The following ARSB variants were observed in gnomAD, a reference collection of about 807,000 sequenced individuals.
ARSB encodes arylsulfatase B.
Under a neutral mutation model 50.9 loss-of-function variants are expected in ARSB, and 41 were observed. The ratio of observed to expected loss-of-function variants is 0.81; its 90% confidence interval spans 0.63 to 1.04. ARSB has a LOEUF of 1.04. ARSB is among the 50% of genes least tolerant of loss of function. The pLI is 0.00. For missense variants in ARSB, 672 were observed against 693.3 expected (o/e 0.97, Z 0.35); for synonymous variants, 269 against 284.8 (o/e 0.94, Z 0.56).
At chr5:78,787,799 G>A (rs570086245) in intron 6 of ARSB, among the ~76,000 whole-genome samples, 6 of 152,292 alleles carry the variant, frequency 3.9e-5, no homozygotes, top group East Asian at 1.9e-4. Flanking sequence ...CAAGGTAGAC[G>A]GCTCCACAAC....
intron 5 of ARSB, among the ~76,000 whole-genome samples, chr5:78,841,184 T>TAATAATAATAATAATAATAATAA (rs1554074368): frequency 2.7e-5 from 4 of 150,690 alleles, no homozygotes; most frequent in Non-Finnish European, 4.4e-5. Flanking sequence ...ATAATAATAA[T>TAATAATAATAATAATAATAATAA]TTGAGCATGG....
chr5:78,943,395 T>C (rs539166238), intron 4 of ARSB, among the ~76,000 whole-genome samples: 1 of 152,336 alleles, frequency 6.6e-6, no homozygotes, highest in South Asian at 2.1e-4. Context: ...CAATTTGGCA[T>C]GTTTTTGCAG....
At chr5:78,950,563 A>G (rs2112469133) in intron 4 of ARSB, among the ~76,000 whole-genome samples, 1 of 152,336 alleles carries the variant, frequency 6.6e-6, no homozygotes, top group Middle Eastern at 3.4e-3. Context: ...GTCCCCAAAA[A>G]TAAAGCCCTG....
chr5:78,978,055 T>C (rs904616127), intron 1 of ARSB, among the ~76,000 whole-genome samples: 7 of 152,128 alleles, frequency 4.6e-5, no homozygotes, highest in African/African-American at 1.7e-4. Flanking sequence ...AAGACCTAAA[T>C]AGGCTGGGTG....
chr5:78,980,716 G>A (rs1005079068), intron 1 of ARSB, among the ~76,000 whole-genome samples: 3 of 148,126 alleles, frequency 2.0e-5, no homozygotes, highest in Non-Finnish European at 4.5e-5. Context: ...GGAACTGAAT[G>A]TCTAAGGAAG....
intron 6 of ARSB, among the ~76,000 whole-genome samples, chr5:78,782,218 T>C (rs1454474852): frequency 6.6e-6 from 1 of 152,222 alleles, no homozygotes; most frequent in Non-Finnish European, 1.5e-5. Flanking sequence ...AATTCATCCT[T>C]AAAATCGCTA....
intron 5 of ARSB, among the ~76,000 whole-genome samples, chr5:78,845,285 A>G (rs1048328988): frequency 1.3e-5 from 2 of 152,068 alleles, no homozygotes; most frequent in African/African-American, 4.8e-5. Context: ...CCACTGATGG[A>G]CCCTTAAGTT....
chr5:78,811,294 T>C (rs554514130), intron 6 of ARSB, among the ~76,000 whole-genome samples: 23 of 152,358 alleles, frequency 1.5e-4, no homozygotes, highest in African/African-American at 4.8e-4. Flanking sequence ...CTAGAAACTT[T>C]TTTGCAGGGC....
At position 78,984,812 on chromosome 5, in the gene ARSB, C is replaced by CAT. The variant is rs1271130647; in HGVS notation, c.312+123_312+124dup. The CAT allele has an allele frequency of 1.1e-5, 8 of 727,220 alleles. No homozygotes were observed. The East Asian group carries it at 3.6e-4, about 32-fold the overall frequency. 45.0% of individuals were successfully genotyped at this position (727,220 alleles called of 1,614,324 possible). ...GTTGGGGCGAGAAGCCGCCGGGACC[C>CAT]ATAACTGGGTCGGCGGTCCGAGCCC... is the stretch of plus-strand genomic sequence containing the variant. On this transcript the variant is annotated intron_variant, in intron 1 of 7. Coordinates refer to ENST00000264914, the MANE Select transcript of ARSB (RefSeq NM_000046.5).
intron 5 of ARSB, among the ~76,000 whole-genome samples, chr5:78,864,678 C>T (rs973250180): frequency 5.3e-5 from 8 of 152,162 alleles, no homozygotes; most frequent in African/African-American, 1.7e-4. Flanking sequence ...ATTCCAAAGT[C>T]TCATCTGAGA....
chr5:78,791,268 A>G (rs1180240973), intron 6 of ARSB, among the ~76,000 whole-genome samples: 1 of 152,224 alleles, frequency 6.6e-6, no homozygotes, highest in African/African-American at 2.4e-5. Flanking sequence ...TGTACAGGCA[A>G]GATTTAGGTT....
intron 5 of ARSB, among the ~76,000 whole-genome samples, chr5:78,851,168 A>G (rs1376377661): frequency 6.6e-6 from 1 of 151,810 alleles, no homozygotes; most frequent in Non-Finnish European, 1.5e-5. Flanking sequence ...TCAATTTTGG[A>G]TCTTTCCTGC....
intron 5 of ARSB, among the ~76,000 whole-genome samples, chr5:78,881,449 A>C (rs1327051386): frequency 6.6e-6 from 1 of 152,196 alleles, no homozygotes; most frequent in Non-Finnish European, 1.5e-5. Flanking sequence ...TATTTGCAAG[A>C]AATACAACAA....
intron 4 of ARSB, among the ~76,000 whole-genome samples, chr5:78,938,834 T>C (rs540156949): frequency 5.3e-5 from 8 of 152,340 alleles, no homozygotes; most frequent in Admixed American, 3.3e-4. Context: ...GCTAAAAGTT[T>C]AGACTCTGCA....
At chr5:78,847,555 G>C (rs1745502746) in intron 5 of ARSB, among the ~76,000 whole-genome samples, 1 of 152,116 alleles carries the variant, frequency 6.6e-6, no homozygotes. Flanking sequence ...TCTAGTTTTG[G>C]TATCAACATA....
intron 5 of ARSB, among the ~76,000 whole-genome samples, chr5:78,846,808 G>A (rs1335876759): frequency 1.3e-5 from 2 of 152,152 alleles, no homozygotes; most frequent in African/African-American, 4.8e-5. Flanking sequence ...TGGTAAAAGT[G>A]AGCATCGTTG....
chr5:78,861,793 C>T (rs1746449670), intron 5 of ARSB, among the ~76,000 whole-genome samples: 1 of 152,066 alleles, frequency 6.6e-6, no homozygotes, highest in Non-Finnish European at 1.5e-5. Context: ...AAATAAAGGG[C>T]ATTCAATTAG....
chr5:78,805,321 G>A (rs976713094), intron 6 of ARSB, among the ~76,000 whole-genome samples: 6 of 152,204 alleles, frequency 3.9e-5, no homozygotes, highest in Non-Finnish European at 7.3e-5. Flanking sequence ...GTCAGCCAAC[G>A]AGGCACACAG....
intron 5 of ARSB, among the ~76,000 whole-genome samples, chr5:78,850,058 TCTC>T (rs1247963634): frequency 6.6e-6 from 1 of 151,884 alleles, no homozygotes; most frequent in Non-Finnish European, 1.5e-5. Flanking sequence ...TTTATTTCCT[TCTC>T]CTGCCTAATT....
Sources: gnomAD v4.1 joint callset for allele counts (sites outside exome capture counted in the v4.1 genomes callset) on GRCh38, gnomAD v4.1.1 for gene constraint, MANE v1.5 for transcripts, NCBI Gene and HGNC (gene_info 2026-07-23, HGNC 2026-07-21) for gene names.